The following NAF1 variants were observed in gnomAD, a reference collection of about 807,000 sequenced individuals.
The protein encoded by NAF1 is nuclear assembly factor 1 ribonucleoprotein, also known as H/ACA ribonucleoprotein complex non-core subunit NAF1.
In NAF1, 11 loss-of-function variants were observed where a neutral mutation model predicts 40.6. The observed-to-expected ratio is 0.27, with a 90% confidence interval of 0.17 to 0.45. The LOEUF is 0.45. Ranked by LOEUF, NAF1 falls within the 20% of genes least tolerant of loss-of-function variation. NAF1 has a pLI of 1.00. For synonymous variants in NAF1, 260 were observed against 228.5 expected (o/e 1.14, Z -1.24); for missense variants, 607 against 611.1 (o/e 0.99, Z 0.07).
At chr4:163,160,298 C>T (rs1732164259) in intron 2 of NAF1, among the ~76,000 whole-genome samples, 1 of 152,064 alleles carries the variant, frequency 6.6e-6, no homozygotes, top group Admixed American at 6.5e-5. Flanking sequence ...GCCACTATAG[C>T]TCGCTAATTC....
At position 163,132,955 on chromosome 4, in the gene NAF1, C is replaced by T. The variant is rs556269887; in HGVS notation, c.1033+199G>A. Among the ~76,000 whole-genome samples the T allele has an allele frequency of 3.9e-5, 6 of 152,354 alleles. No homozygotes were observed. In the South Asian group the frequency reaches 1.0e-3, roughly 26 times the overall value. ...GCACGAGTAACAAGGTTTAGTCTCT[C>T]TGTTACCCCAGGAAGCCATTTTTAC... is the stretch of plus-strand genomic sequence containing the variant. On this transcript the variant is annotated intron_variant, in intron 7 of 7. Coordinates refer to ENST00000274054, the MANE Select transcript of NAF1 (RefSeq NM_138386.3).
In NAF1 at chr4:163,143,976, T is replaced by C. The variant is rs1014250214; in HGVS notation, c.717+1806A>G. 11 of 962,398 alleles carry C rather than the reference T, an allele frequency of 1.1e-5. No individual in the cohort carries two copies. The African/African-American group carries it at 1.8e-4, about 15-fold the overall frequency. 59.6% of individuals were successfully genotyped at this position (962,398 alleles called of 1,614,324 possible). ...GTGTATTACTGTATCATAAGTTACC[T>C]TGAAATATGTCATGAGAACTGAGGG... On this transcript the variant is annotated intron_variant, in intron 4 of 7. Coordinates refer to ENST00000274054, the MANE Select transcript of NAF1 (RefSeq NM_138386.3).
intron 2 of NAF1, among the ~76,000 whole-genome samples, chr4:163,151,364 AG>A (rs542540046): frequency 2.5e-3 from 370 of 147,558 alleles, no homozygotes; most frequent in Non-Finnish European, 4.2e-3. Context: ...TTATTTCTCT[AG>A]TTTTTTTTTT....
chr4:163,104,149 C>G, the NAF1 span, among the ~76,000 whole-genome samples: 2 of 152,174 alleles, frequency 1.3e-5, no homozygotes, highest in Middle Eastern at 3.4e-3. Flanking sequence ...CAAGGTTAAT[C>G]GCTCAGTTAA....
At chr4:163,130,404 A>G (rs1289596651) in intron 7 of NAF1, among the ~76,000 whole-genome samples, 1 of 152,228 alleles carries the variant, frequency 6.6e-6, no homozygotes, top group East Asian at 1.9e-4. Flanking sequence ...ATAAAGAACA[A>G]ATTGCAATTT....
chr4:163,134,745 T>C (rs931218095), intron 6 of NAF1, among the ~76,000 whole-genome samples: 74 of 152,236 alleles, frequency 4.9e-4, no homozygotes, highest in African/African-American at 1.7e-3. Context: ...AGAGGCATGA[T>C]AGAACAGTAT....
At chr4:163,123,858 A>G (rs1199432529), downstream of NAF1, among the ~76,000 whole-genome samples, 1 of 152,242 alleles carries the variant, frequency 6.6e-6, no homozygotes, top group Non-Finnish European at 1.5e-5. Context: ...AGAAAGTGAG[A>G]AACTGTGTGA....
intron 3 of NAF1, among the ~76,000 whole-genome samples, chr4:163,146,766 G>T (rs973104781): frequency 1.8e-4 from 27 of 152,316 alleles, no homozygotes; most frequent in South Asian, 1.2e-3. Context: ...GGGCAACGTA[G>T]CAAGACCTTG....
chr4:163,145,680 A>G, intron 4 of NAF1, 102 bp downstream of exon 4: 1 of 734,986 alleles, frequency 1.4e-6, no homozygotes, highest in South Asian at 1.7e-5. Flanking sequence ...TAGATTGTCC[A>G]TCAATTAAAA....
intron 3 of NAF1, among the ~76,000 whole-genome samples, chr4:163,147,834 G>T (rs2110972502): frequency 6.6e-6 from 1 of 152,194 alleles, no homozygotes. Flanking sequence ...ATGGAAGAAG[G>T]CTCAGAGACA....
At chr4:163,110,731 A>G (rs901149486) in intron 2 of NAF1, among the ~76,000 whole-genome samples, 7 of 152,118 alleles carry the variant, frequency 4.6e-5, no homozygotes, top group Non-Finnish European at 8.8e-5. Context: ...TGGTTTTCCT[A>G]TTTTTGTTTC....
downstream of NAF1, among the ~76,000 whole-genome samples, chr4:163,125,782 G>A (rs1029278402): frequency 3.1e-4 from 47 of 152,210 alleles, no homozygotes; most frequent in African/African-American, 1.1e-3. Context: ...TTTCATAGCT[G>A]TAGAACGGGA....
At chr4:163,110,151 T>C (rs1412841599) in exon 3 of NAF1, 1 of 582,108 alleles carries the variant, frequency 1.7e-6, no homozygotes, top group Non-Finnish European at 3.1e-6. Context: ...TGGCAACTCT[T>C]CTATGGATAA....
chr4:163,131,917 G>T (rs945974481), intron 7 of NAF1, among the ~76,000 whole-genome samples: 3 of 152,130 alleles, frequency 2.0e-5, no homozygotes, highest in Non-Finnish European at 4.4e-5. Flanking sequence ...ATAATGAACT[G>T]ACATATCACT....
rs761280752 is a variant in NAF1 at position 163,129,286 on chromosome 4, T to C, written c.1096A>G (p.Lys366Glu). The part of the protein sequence containing the change: ...NAHSSASEHA[K>E]GYRNREFTRG... The stretch of plus-strand genomic sequence containing the variant: ...GTGAATTCTCTGTTACGATATCCTT[T>C]TGCATGCTCTGAAGCAGAGCTATGA... The change falls in exon 8 of 8, where the codon AAA (lysine) becomes GAA (glutamate). Residue 366 changes from lysine (K) to glutamate (E), a missense_variant. Physicochemically the swap from Lys to Glu is moderately conservative, Grantham distance 56. Coordinates refer to ENST00000274054, the MANE Select transcript of NAF1 (RefSeq NM_138386.3). 1.4e-5 allele frequency: 23 copies of C among 1,614,144 alleles called. No individual in the cohort carries two copies. Among genetic ancestry groups the C allele is most frequent in the Non-Finnish European group, 1.9e-5 (22 of 1,180,002 alleles).
At chr4:163,133,347 T>C (rs907136861) in intron 6 of NAF1, 91 bp from the exon 7 acceptor site, 80 of 882,660 alleles carry the variant, frequency 9.1e-5, no homozygotes, top group Non-Finnish European at 1.4e-4. Flanking sequence ...AAGCCTATTA[T>C]GCATCAATGA....
At chr4:163,135,739 A>G (rs1731030805) in intron 6 of NAF1, 1 of 152,390 alleles carries the variant, frequency 6.6e-6, no homozygotes, top group Non-Finnish European at 1.5e-5. Flanking sequence ...CGGTGAGCTG[A>G]GACCGTGCCA....
chr4:163,153,293 T>G (rs2111006476), intron 2 of NAF1, among the ~76,000 whole-genome samples: 1 of 152,328 alleles, frequency 6.6e-6, no homozygotes, highest in East Asian at 1.9e-4. Context: ...CGGGATCCAC[T>G]GGGTGAAGCC....
chr4:163,161,235 G>T (rs1015478013), intron 2 of NAF1, among the ~76,000 whole-genome samples: 9 of 152,140 alleles, frequency 5.9e-5, no homozygotes, highest in African/African-American at 1.9e-4. Flanking sequence ...CACTTTGGGA[G>T]GCCGAGGCAG....
Sources: allele counts gnomAD v4.1 joint callset (sites outside exome capture counted in the v4.1 genomes callset), GRCh38; gene constraint gnomAD v4.1.1; transcripts MANE v1.5; gene names NCBI Gene and HGNC (gene_info 2026-07-23, HGNC 2026-07-21).